KAZN: variants seen among roughly 807,000 people sequenced by gnomAD.
KAZN encodes the protein kazrin, periplakin interacting protein, also known as kazrin.
Under a neutral mutation model 87.4 loss-of-function variants are expected in KAZN, and 40 were observed. The observed-to-expected ratio is 0.46, with a 90% CI of 0.36 to 0.60. The LOEUF (loss-of-function observed/expected upper bound fraction) is 0.60, where lower values mean the gene tolerates loss of function less well. Ranked by LOEUF, KAZN falls within the 20% of genes least tolerant of loss-of-function variation. KAZN has a pLI of 0.00. For synonymous variants in KAZN, 466 were observed against 458.3 expected, an observed-to-expected ratio of 1.02 and a Z score of -0.22; for missense variants, 898 against 1,073.9, an observed-to-expected ratio of 0.84 and a Z score of 2.29.
intron 1 of KAZN, among the ~76,000 whole-genome samples, chr1:14,141,239 A>T (rs1457201512): frequency 6.7e-5 from 9 of 134,908 alleles, no homozygotes; most frequent in African/African-American, 2.7e-4. Context: ...TACCATTTAA[A>T]AAAAAAAAAA....
intron 1 of KAZN, among the ~76,000 whole-genome samples, chr1:14,956,584 C>A (rs1364832401): frequency 6.7e-6 from 1 of 150,024 alleles, no homozygotes; most frequent in Non-Finnish European, 1.5e-5. Flanking sequence ...CCAGCCTGGG[C>A]AACAGGAGTG....
chr1:14,052,662 G>C (rs914607018), intron 1 of KAZN, among the ~76,000 whole-genome samples: 2 of 152,164 alleles, frequency 1.3e-5, no homozygotes, highest in African/African-American at 4.8e-5. Flanking sequence ...GGGGGCAGAG[G>C]CCCATTTGGT....
intron 2 of KAZN, among the ~76,000 whole-genome samples, chr1:14,438,969 T>C (rs1344186934): frequency 2.6e-5 from 4 of 152,232 alleles, no homozygotes; most frequent in Non-Finnish European, 5.9e-5. Flanking sequence ...TCACCCAGTC[T>C]TGGGTATTTA....
chr1:14,094,291 G>A (rs150676098), intron 1 of KAZN, among the ~76,000 whole-genome samples: 182 of 152,190 alleles, frequency 1.2e-3, no homozygotes, highest in African/African-American at 4.2e-3. Context: ...ATAGTTCAGC[G>A]ATTCTGGAGG....
chr1:14,532,541 C>T (rs1334684638), intron 2 of KAZN, among the ~76,000 whole-genome samples: 1 of 151,232 alleles, frequency 6.6e-6, no homozygotes, highest in East Asian at 2.0e-4. Flanking sequence ...CATATGTATA[C>T]ATGTGCCATG....
intron 1 of KAZN, among the ~76,000 whole-genome samples, chr1:13,968,004 G>C (rs1023775271): frequency 6.6e-6 from 1 of 152,180 alleles, no homozygotes; most frequent in Non-Finnish European, 1.5e-5. Flanking sequence ...CTCTCCCTTG[G>C]TCTCTAGGGG....
At chr1:14,451,822 T>C (rs916861836) in intron 2 of KAZN, among the ~76,000 whole-genome samples, 2 of 152,222 alleles carry the variant, frequency 1.3e-5, no homozygotes, top group Admixed American at 6.5e-5. Flanking sequence ...CAGAGAAGGC[T>C]AATGTTCCAC....
intron 1 of KAZN, among the ~76,000 whole-genome samples, chr1:14,089,217 T>C (rs924806269): frequency 1.3e-5 from 2 of 152,042 alleles, no homozygotes; most frequent in Non-Finnish European, 2.9e-5. Flanking sequence ...AGAATGTAGA[T>C]GGGTCTTGCC....
chr1:13,965,415 C>T (rs12117960), intron 1 of KAZN, among the ~76,000 whole-genome samples: 29,888 of 151,842 alleles, frequency 0.2, 3,258 homozygotes, highest in East Asian at 0.38. Flanking sequence ...GCTCGGTGCT[C>T]AGGATATGAC....
At chr1:14,501,256 G>A (rs113880203) in intron 2 of KAZN, among the ~76,000 whole-genome samples, 1,821 of 152,144 alleles carry the variant, frequency 0.012, 83 homozygotes, top group East Asian at 0.11. Flanking sequence ...TTGTACTGGA[G>A]GTTCTAGCCA....
intron 1 of KAZN, among the ~76,000 whole-genome samples, chr1:14,759,346 GA>G (rs1423447825): frequency 6.6e-6 from 1 of 152,202 alleles, no homozygotes; most frequent in Non-Finnish European, 1.5e-5. Context: ...ACTGTCCACG[GA>G]AGGTTGTTTG....
chr1:14,914,133 C>T (rs1431488352), intron 1 of KAZN, among the ~76,000 whole-genome samples: 2 of 152,190 alleles, frequency 1.3e-5, no homozygotes, highest in South Asian at 2.1e-4. Flanking sequence ...TGTTGGGCCT[C>T]GCCTCCTGGG....
Position 14,760,293 on chromosome 1 carries a change from G to C in KAZN, c.226+161070G>C, listed in dbSNP as rs184030876. 2.5e-3 allele frequency among the ~76,000 whole-genome samples: 375 copies of C among 152,262 alleles called. 1 individual carries two copies. Among genetic ancestry groups the C allele is most frequent in the African/African-American group, 8.3e-3 (346 of 41,544 alleles). On this transcript the variant is annotated intron_variant, in intron 1 of 14. Transcript: ENST00000376030. ...AACGCCCCCAAGATAGTAGACTGGT[G>C]CTCCTTGCCAATGTTTTTACAAATT...
intron 1 of KAZN, among the ~76,000 whole-genome samples, chr1:14,011,947 G>A (rs186069993): frequency 6.6e-6 from 1 of 152,136 alleles, no homozygotes; most frequent in Non-Finnish European, 1.5e-5. Context: ...TACCTTTTAG[G>A]GGGTGTTTGG....
intron 2 of KAZN, among the ~76,000 whole-genome samples, chr1:14,452,325 C>A (rs1441264234): frequency 6.6e-6 from 1 of 152,206 alleles, no homozygotes; most frequent in East Asian, 1.9e-4. Context: ...CTTCCATTTT[C>A]TTTTCTGTTT....
Position 15,094,767 on chromosome 1 carries a change from C to T in KAZN, c.1429-48C>T, listed in dbSNP as rs763820030. The T allele has an allele frequency of 4.2e-6, 6 of 1,425,612 alleles. No individual in the cohort carries two copies. The highest frequency in any genetic ancestry group is 2.5e-5 in the East Asian group (1 of 39,930). The allele number at this position is 1,425,612 out of a possible 1,614,324, so 88.3% of individuals were successfully genotyped here. ...CAGACCCCCTCTAGGGCAGGAACCCCGCCGGCAGCTGTCCCAGCCCCCATA... is the reference window on the plus strand; with the variant it reads ...CAGACCCCCTCTAGGGCAGGAACCCTGCCGGCAGCTGTCCCAGCCCCCATA... On this transcript the variant is annotated intron_variant, in intron 9 of 14. Transcript: ENST00000376030. The surrounding 1 kb of genome is among the most constrained non-coding windows in gnomAD (Gnocchi z 4.5).
At chr1:14,463,316 C>G (rs199793184) in intron 2 of KAZN, among the ~76,000 whole-genome samples, 2 of 152,102 alleles carry the variant, frequency 1.3e-5, no homozygotes, top group African/African-American at 2.4e-5. Context: ...GGCTTCTTCA[C>G]TTTATCTTGT....
chr1:13,916,764 G>A (rs536290059), intron 1 of KAZN, among the ~76,000 whole-genome samples: 1 of 152,220 alleles, frequency 6.6e-6, no homozygotes, highest in East Asian at 1.9e-4. Flanking sequence ...TCCACCTGGG[G>A]AGCCACTGAA....
intron 2 of KAZN, among the ~76,000 whole-genome samples, chr1:14,979,263 G>T (rs1203614459): frequency 6.6e-6 from 1 of 151,746 alleles, no homozygotes; most frequent in Non-Finnish European, 1.5e-5. Flanking sequence ...GCAAAAATCT[G>T]CTGGGCATGG....
Sources: gnomAD v4.1 joint callset for allele counts (sites outside exome capture counted in the v4.1 genomes callset) on GRCh38, gnomAD v4.1.1 for gene constraint, Gnocchi (gnomAD v3.1) non-coding constraint, MANE v1.5 for transcripts, NCBI Gene and HGNC (gene_info 2026-07-23, HGNC 2026-07-21) for gene names.